Variants in MAGI3 observed in about 807,000 individuals in gnomAD.
MAGI3 encodes the protein membrane associated guanylate kinase, WW and PDZ domain containing 3.
A neutral mutation model predicts 121.8 loss-of-function variants in MAGI3; 43 were observed. That is an observed-to-expected ratio of 0.35 (90% CI 0.28 to 0.46). The LOEUF (loss-of-function observed/expected upper bound fraction) is 0.46, where lower values mean the gene tolerates loss of function less well. Among genes scored for constraint, MAGI3 ranks in the 20% least tolerant of loss-of-function variants. The probability of loss-of-function intolerance (pLI) is 1.00; values close to 1 mark genes in which losing one functional copy is unlikely to be tolerated. For missense variants in MAGI3, 1,547 were observed against 1,797.3 expected (o/e 0.86, Z 2.52); for synonymous variants, 553 against 639.3 (o/e 0.86, Z 2.04).
At chr1:113,664,058 CTTT>C (rs1653917399) in intron 16 of MAGI3, among the ~76,000 whole-genome samples, 1 of 152,062 alleles carries the variant, frequency 6.6e-6, no homozygotes, top group African/African-American at 2.4e-5. Flanking sequence ...AGTTATTTGT[CTTT>C]TTTATTGTTG....
chr1:113,544,983 AT>A (rs1659461675), intron 1 of MAGI3, among the ~76,000 whole-genome samples: 1 of 151,968 alleles, frequency 6.6e-6, no homozygotes, highest in Non-Finnish European at 1.5e-5. Context: ...ACTGAAATGT[AT>A]TGCCTCCCAG....
chr1:113,420,010 T>C (rs12125741), intron 1 of MAGI3, among the ~76,000 whole-genome samples: 9,613 of 152,246 alleles, frequency 0.063, 328 homozygotes, highest in Non-Finnish European at 0.074. Context: ...GTGATGATAC[T>C]GTGCAGTCCA....
intron 1 of MAGI3, among the ~76,000 whole-genome samples, chr1:113,506,486 T>G (rs1213147473): frequency 6.6e-6 from 1 of 152,146 alleles, no homozygotes; most frequent in Non-Finnish European, 1.5e-5. Context: ...AGAACTTGCT[T>G]TGACCCTCAA....
At chr1:113,411,021 A>G (rs1034643189) in intron 1 of MAGI3, among the ~76,000 whole-genome samples, 1 of 152,278 alleles carries the variant, frequency 6.6e-6, no homozygotes, top group East Asian at 1.9e-4. Flanking sequence ...GTGTAAAAGT[A>G]GAAGTAATCT....
At chr1:113,406,450 A>T (rs1181936510) in intron 1 of MAGI3, among the ~76,000 whole-genome samples, 1 of 151,158 alleles carries the variant, frequency 6.6e-6, no homozygotes, top group East Asian at 1.9e-4. Flanking sequence ...CCTATCTCTA[A>T]GAAAAAAAAA....
chr1:113,433,773 G>A (rs754584798), intron 1 of MAGI3, among the ~76,000 whole-genome samples: 11 of 152,054 alleles, frequency 7.2e-5, no homozygotes, highest in Non-Finnish European at 1.5e-4. Context: ...TAACCTTTGC[G>A]TACGTAGTTG....
At chr1:113,614,576 TTCAC>T (rs763072341) in intron 6 of MAGI3, 21 bp from the exon 7 acceptor site, 2 of 1,570,114 alleles carry the variant, frequency 1.3e-6, no homozygotes, top group Non-Finnish European at 1.8e-6. Context: ...AATCTGGCAT[TTCAC>T]TCAATTTTCT....
intron 1 of MAGI3, among the ~76,000 whole-genome samples, chr1:113,474,969 G>A (rs576285280): frequency 6.6e-6 from 1 of 152,206 alleles, no homozygotes; most frequent in East Asian, 1.9e-4. Context: ...CTTGTAGGTT[G>A]GATTCCTAGG....
At chr1:113,628,000 A>G (rs978322695) in intron 9 of MAGI3, among the ~76,000 whole-genome samples, 3 of 151,558 alleles carry the variant, frequency 2.0e-5, no homozygotes, top group African/African-American at 4.9e-5. Context: ...TTGATTGGAG[A>G]GTTTAGTCCA....
chr1:113,604,707 A>G (rs576454682), intron 6 of MAGI3, among the ~76,000 whole-genome samples: 2 of 151,966 alleles, frequency 1.3e-5, no homozygotes, highest in East Asian at 3.9e-4. Flanking sequence ...TCATTATTCT[A>G]AGTGACTCAG....
chr1:113,588,889 T>C (rs1187433907), intron 4 of MAGI3, among the ~76,000 whole-genome samples: 1 of 152,170 alleles, frequency 6.6e-6, no homozygotes, highest in Non-Finnish European at 1.5e-5. Flanking sequence ...ATAGGTTGGC[T>C]GCCAAGGGGT....
chr1:113,482,222 G>A (rs1656146436), intron 1 of MAGI3, among the ~76,000 whole-genome samples: 1 of 152,040 alleles, frequency 6.6e-6, no homozygotes, highest in South Asian at 2.1e-4. Flanking sequence ...GATGGTGATG[G>A]TGATGGCTGT....
chr1:113,682,328 C>T (rs1480224421), intron 20 of MAGI3: 2 of 1,573,198 alleles, frequency 1.3e-6, no homozygotes, highest in Non-Finnish European at 8.6e-7. Context: ...TTGTAAATCA[C>T]TTTCTTCTTT....
At chr1:113,416,876 GTATT>G (rs1266911926) in intron 1 of MAGI3, among the ~76,000 whole-genome samples, 1 of 151,896 alleles carries the variant, frequency 6.6e-6, no homozygotes, top group Non-Finnish European at 1.5e-5. Context: ...TATTAAGAAA[GTATT>G]TGTTGCTGGG....
At chr1:113,583,153 A>G (rs539053997) in intron 3 of MAGI3, among the ~76,000 whole-genome samples, 7 of 151,322 alleles carry the variant, frequency 4.6e-5, no homozygotes, top group Non-Finnish European at 7.4e-5. Context: ...ATTTATTTTT[A>G]TTATTATTAT....
At chr1:113,478,055 C>T (rs1005349760) in intron 1 of MAGI3, among the ~76,000 whole-genome samples, 8 of 152,136 alleles carry the variant, frequency 5.3e-5, no homozygotes, top group East Asian at 3.9e-4. Flanking sequence ...ACGAAGTTCT[C>T]GTGCCATGGT....
At chr1:113,540,853 A>T (rs531386972) in intron 1 of MAGI3, among the ~76,000 whole-genome samples, 77 of 152,314 alleles carry the variant, frequency 5.1e-4, no homozygotes, top group African/African-American at 1.7e-3. Flanking sequence ...CCACAGCATG[A>T]TGGGTTTTAG....
chr1:113,658,067 T>C lies in MAGI3; in HGVS notation c.2630-1013T>C, dbSNP rs1054527190. Among the ~76,000 whole-genome samples, 1 of 152,234 alleles carries C rather than the reference T, an allele frequency of 6.6e-6. No homozygotes were observed. Among genetic ancestry groups the C allele is most frequent in the African/African-American group, 2.4e-5 (1 of 41,454 alleles). ...CATCATTCACAGTGCCATTCAAAAA[T>C]ATGAATTATCCCTATTCAAATCAGT... On this transcript the variant is annotated intron_variant, in intron 15 of 20. Transcript: ENST00000307546. This position sits in a 1 kb window ranked among gnomAD's most constrained non-coding sequence, Gnocchi z 4.0.
At chr1:113,503,738 T>A (rs1657167030) in intron 1 of MAGI3, among the ~76,000 whole-genome samples, 1 of 152,114 alleles carries the variant, frequency 6.6e-6, no homozygotes, top group Non-Finnish European at 1.5e-5. Flanking sequence ...TAAATCTAAT[T>A]TGCATTCTCA....
Sources: allele counts gnomAD v4.1 joint callset (sites outside exome capture counted in the v4.1 genomes callset), GRCh38; gene constraint gnomAD v4.1.1; non-coding constraint Gnocchi (gnomAD v3.1); transcripts MANE v1.5; gene names NCBI Gene and HGNC (gene_info 2026-07-23, HGNC 2026-07-21).